The following DCHS2 variants were observed in gnomAD, a reference collection of about 807,000 sequenced individuals.
DCHS2 encodes protocadherin-23.
DCHS2 carries 142 observed loss-of-function variants against 182.4 expected under a neutral mutation model. The observed-to-expected ratio is 0.78, with a 90% CI of 0.68 to 0.89. DCHS2 has a LOEUF of 0.89. DCHS2 is among the 40% of genes least tolerant of loss of function. The pLI, the probability that DCHS2 is intolerant of heterozygous loss-of-function variation, is 0.00. For missense variants in DCHS2, 4,319 were observed against 4,198.6 expected (o/e 1.03, Z -0.79); for synonymous variants, 1,740 against 1,663.3 (o/e 1.05, Z -1.12).
chr4:154,389,637 C>T (rs1020346074), intron 1 of DCHS2, among the ~76,000 whole-genome samples: 3 of 151,418 alleles, frequency 2.0e-5, no homozygotes, highest in East Asian at 3.9e-4. Flanking sequence ...TCATTTTAAT[C>T]ATTTGTCTTT....
At chr4:154,389,096 G>T (rs1007529257) in intron 1 of DCHS2, among the ~76,000 whole-genome samples, 4 of 152,156 alleles carry the variant, frequency 2.6e-5, no homozygotes, top group African/African-American at 9.7e-5. Flanking sequence ...ATTTTAGCAT[G>T]AAAGAGCCGT....
intron 3 of DCHS2, chr4:154,357,318 T>C (rs1729918200): frequency 1.2e-6 from 2 of 1,608,542 alleles, no homozygotes; most frequent in Non-Finnish European, 1.7e-6. Flanking sequence ...CTCTGGACTA[T>C]AGAGTCCTAA....
intron 1 of DCHS2, among the ~76,000 whole-genome samples, chr4:154,482,072 G>T (rs924131521): frequency 5.9e-5 from 9 of 152,160 alleles, no homozygotes; most frequent in Admixed American, 4.6e-4. Flanking sequence ...TATTGAGAAA[G>T]GAAGACACGG....
At chr4:154,391,454 G>A (rs1731700811) in intron 1 of DCHS2, among the ~76,000 whole-genome samples, 1 of 152,182 alleles carries the variant, frequency 6.6e-6, no homozygotes, top group East Asian at 1.9e-4. Context: ...AGATCAGAGA[G>A]TCACTGATGC....
chr4:154,450,239 T>G (rs1734478215), intron 1 of DCHS2, among the ~76,000 whole-genome samples: 1 of 152,094 alleles, frequency 6.6e-6, no homozygotes, highest in African/African-American at 2.4e-5. Flanking sequence ...CTCCCAAAGT[T>G]ATAAGTGCCA....
At position 154,329,503 on chromosome 4, in the gene DCHS2, T is replaced by C. The variant is rs747610063; in HGVS notation, c.3918+20A>G. 4.4e-6 allele frequency: 7 copies of C among 1,604,892 alleles called. No individual in the cohort carries two copies. The highest frequency in any genetic ancestry group is 2.7e-5 in the African/African-American group (2 of 74,768). On this transcript the variant is annotated intron_variant, in intron 6 of 19. Coordinates refer to ENST00000357232, the MANE Select transcript of DCHS2 (RefSeq NM_001358235.2). ...ATGACTTAAGATATTACAAATTCAT[T>C]GCAAGGTTTCTTCACAAACCTTCAC...
At chr4:154,264,598 G>A (rs757944227) in intron 14 of DCHS2, among the ~76,000 whole-genome samples, 2 of 152,140 alleles carry the variant, frequency 1.3e-5, no homozygotes, top group South Asian at 2.1e-4. Context: ...TTCTTAATGC[G>A]ACAATGGGAT....
chr4:154,282,941 C>A (rs1215276657), intron 13 of DCHS2, among the ~76,000 whole-genome samples: 1 of 152,110 alleles, frequency 6.6e-6, no homozygotes, highest in Non-Finnish European at 1.5e-5. Flanking sequence ...AAAACAAATA[C>A]TGTCTGATTC....
chr4:154,389,701 C>T (rs990906968), intron 1 of DCHS2, among the ~76,000 whole-genome samples: 1 of 151,690 alleles, frequency 6.6e-6, no homozygotes, highest in African/African-American at 2.4e-5. Context: ...ATTCTTTAAT[C>T]GAGATCCTTT....
Position 154,236,870 on chromosome 4 carries a change from T to G in DCHS2, c.7782A>C (p.Ser2594=), listed in dbSNP as rs183595209. ...TAGTTTCCACATGAAAATTGTTCTG[T>G]GAATTACCACTGATGATGGAATATT... ...YVEYSIISGN[S]QNNFHVETKF... Residue 2594 remains serine, a synonymous_variant, in exon 20 of 20, where the codon TCA becomes TCC. Coordinates refer to ENST00000357232, the MANE Select transcript of DCHS2 (RefSeq NM_001358235.2). 4.7e-4 allele frequency: 760 copies of G among 1,614,074 alleles called. 1 individual carries two copies. Among genetic ancestry groups the G allele is most frequent in the Non-Finnish European group, 6.5e-5 (77 of 1,179,966 alleles).
At chr4:154,453,541 G>A (rs907428176) in intron 1 of DCHS2, among the ~76,000 whole-genome samples, 8 of 152,040 alleles carry the variant, frequency 5.3e-5, no homozygotes, top group Non-Finnish European at 1.0e-4. Context: ...TAAACATGTT[G>A]GGGCTGGGCT....
At chr4:154,269,362 T>C (rs1733460483) in intron 14 of DCHS2, 1 of 152,702 alleles carries the variant, frequency 6.5e-6, no homozygotes, top group Non-Finnish European at 1.5e-5. Context: ...AAAAGGTATG[T>C]TTGAAGTAAT....
intron 16 of DCHS2, 23 bp from the exon 17 acceptor site, chr4:154,242,795 G>GA: frequency 6.3e-7 from 1 of 1,584,896 alleles, no homozygotes. Context: ...AAGAATCAAA[G>GA]AATGTGATTC....
chr4:154,460,750 A>C lies in DCHS2; in HGVS notation c.2052+28554T>G, dbSNP rs564064346. On this transcript the variant is annotated intron_variant, in intron 1 of 19. Coordinates refer to ENST00000357232, the MANE Select transcript of DCHS2 (RefSeq NM_001358235.2). ...GCCTAGCATATAGTAAGAAGTCAAT[A>C]AATCTTAGCTATGTTATTATTGCCA... 4.6e-5 allele frequency among the ~76,000 whole-genome samples: 7 copies of C among 152,302 alleles called. No individual in the cohort carries two copies. In the East Asian group the frequency reaches 1.4e-3, roughly 29 times the overall value.
chr4:154,359,679 G>A (rs1248540432), intron 3 of DCHS2, among the ~76,000 whole-genome samples: 1 of 152,006 alleles, frequency 6.6e-6, no homozygotes, highest in East Asian at 1.9e-4. Context: ...AGATTACACT[G>A]TGCTATTTAT....
chr4:154,420,049 A>G (rs749111972), intron 1 of DCHS2, among the ~76,000 whole-genome samples: 1 of 152,162 alleles, frequency 6.6e-6, no homozygotes, highest in African/African-American at 2.4e-5. Flanking sequence ...TAGATAAGTT[A>G]GGAGATTGTT....
intron 3 of DCHS2, among the ~76,000 whole-genome samples, chr4:154,355,327 A>G (rs1162216723): frequency 2.7e-5 from 1 of 37,668 alleles, no homozygotes; most frequent in Non-Finnish European, 6.2e-5. Flanking sequence ...GCTAAGAGGC[A>G]CTCCCATCAG....
At chr4:154,484,427 G>A (rs1388081) in intron 1 of DCHS2, among the ~76,000 whole-genome samples, 112,806 of 151,970 alleles carry the variant, frequency 0.74, 42,420 homozygotes, top group East Asian at 0.85. Flanking sequence ...TAAAGGCCAA[G>A]CTCTGCGCAA....
At chr4:154,328,227 G>A (rs1736375055) in intron 6 of DCHS2, 35 bp from the exon 7 acceptor site, 3 of 1,520,756 alleles carry the variant, frequency 2.0e-6, no homozygotes, top group South Asian at 1.2e-5. Flanking sequence ...AAATGAGTCA[G>A]CAAAAGTTTA....
Sources: gnomAD v4.1 joint callset for allele counts (sites outside exome capture counted in the v4.1 genomes callset) on GRCh38, gnomAD v4.1.1 for gene constraint, MANE v1.5 for transcripts, NCBI Gene and HGNC (gene_info 2026-07-23, HGNC 2026-07-21) for gene names.